APPL1: variants seen among roughly 807,000 people sequenced by gnomAD.
APPL1 encodes adaptor protein, phosphotyrosine interacting with PH domain and leucine zipper 1.
A neutral mutation model predicts 106.8 loss-of-function variants in APPL1; 42 were observed. The observed-to-expected ratio is 0.39, with a 90% CI of 0.31 to 0.51. The LOEUF is 0.51. Ranked by LOEUF, APPL1 falls within the 20% of genes least tolerant of loss-of-function variation. The probability of loss-of-function intolerance (pLI) is 0.75; values close to 1 mark genes in which losing one functional copy is unlikely to be tolerated. For synonymous variants in APPL1, 263 were observed against 281.8 expected, an observed-to-expected ratio of 0.93 and a Z score of 0.67; for missense variants, 769 against 858.2, an observed-to-expected ratio of 0.90 and a Z score of 1.30.
chr3:57,266,690 C>T (rs2060896048), intron 19 of APPL1, among the ~76,000 whole-genome samples: 1 of 152,026 alleles, frequency 6.6e-6, no homozygotes, highest in Admixed American at 6.5e-5. Context: ...CTGCTCTGAT[C>T]CTTATAATTT....
chr3:57,250,686 A>G (rs1043343083), intron 11 of APPL1, among the ~76,000 whole-genome samples: 1 of 152,136 alleles, frequency 6.6e-6, no homozygotes, highest in Non-Finnish European at 1.5e-5. Context: ...GCTATTCTAT[A>G]ATCTATTTAA....
intron 15 of APPL1, among the ~76,000 whole-genome samples, chr3:57,257,790 ATTATC>A (rs1470846144): frequency 6.6e-6 from 1 of 152,216 alleles, no homozygotes; most frequent in African/African-American, 2.4e-5. Flanking sequence ...ATTAGAAAAT[ATTATC>A]TTATACCAGA....
intron 19 of APPL1, among the ~76,000 whole-genome samples, chr3:57,267,521 G>A (rs370018026): frequency 9.9e-5 from 15 of 152,178 alleles, no homozygotes; most frequent in Admixed American, 7.9e-4. Context: ...AACAAGAAGT[G>A]GGGTATATAT....
rs951537574 is a variant in APPL1 at position 57,272,514 on chromosome 3, C to T, written c.*2827C>T. On this transcript the variant is annotated 3_prime_UTR_variant, in exon 22 of 22. Coordinates refer to ENST00000288266, the MANE Select transcript of APPL1 (RefSeq NM_012096.3). ...GTTAATTTTGCATTATATCTAGGAA[C>T]CATATTATTTAAAATTTGAATCCTA... The T allele has an allele frequency of 1.3e-5, 2 of 152,014 alleles. No homozygotes were observed. Among genetic ancestry groups the T allele is most frequent in the African/African-American group, 4.8e-5 (2 of 41,398 alleles). 9.4% of individuals were successfully genotyped at this position (152,014 alleles called of 1,614,324 possible).
chr3:57,258,767 T>C lies in APPL1; in HGVS notation c.1431-261T>C, dbSNP rs1406085032. ...AATTCAAGAACTTTTGCAACATGGT[T>C]TATTATGTTGATTTTTTGTTGTGTA... On this transcript the variant is annotated intron_variant, in intron 15 of 21. Coordinates refer to ENST00000288266, the MANE Select transcript of APPL1 (RefSeq NM_012096.3). 3 of 319,620 alleles carry C rather than the reference T, an allele frequency of 9.4e-6. No homozygotes were observed. In the Admixed American group the frequency reaches 1.5e-4, roughly 16 times the overall value. 19.8% of individuals were successfully genotyped at this position (319,620 alleles called of 1,614,324 possible). A position where few individuals can be genotyped will look rare whatever the true frequency, so the allele number is the denominator to read the frequency against.
In APPL1 at chr3:57,253,718, T is replaced by A. The variant is rs754167254; in HGVS notation, c.1132T>A (p.Tyr378Asn). The A allele has an allele frequency of 3.5e-6, 5 of 1,445,280 alleles. No homozygotes were observed. The highest frequency in any genetic ancestry group is 4.6e-6 in the Non-Finnish European group (5 of 1,089,996). 89.5% of individuals were successfully genotyped at this position (1,445,280 alleles called of 1,614,324 possible). Residue 378 changes from tyrosine (Y) to asparagine (N), a missense_variant, in exon 13 of 22, where the codon TAC becomes AAC. Physicochemically the swap from Tyr to Asn is moderately radical, Grantham distance 143. Transcript: ENST00000288266. ...CTINNISKQIYLSENPEETAA... is the reference protein window; with the variant it reads ...CTINNISKQINLSENPEETAA... The stretch of plus-strand genomic sequence containing the variant: ...AATAAACAACATATCTAAACAAATA[T>A]ACTTAAGTGAAAATCCAGAGGTAAT...
chr3:57,273,149 C>G lies in APPL1; in HGVS notation c.*3462C>G, dbSNP rs2060957430. The G allele has an allele frequency of 6.6e-6, 1 of 152,574 alleles. No homozygotes were observed. Among genetic ancestry groups the G allele is most frequent in the Non-Finnish European group, 1.5e-5 (1 of 68,028 alleles). 9.5% of individuals were successfully genotyped at this position (152,574 alleles called of 1,614,324 possible). ...GAAATTTACTTCAGTTAATATGAGACTGGGGGTTAAGTTGTAACTAATATG... is the reference window on the plus strand; with the variant it reads ...GAAATTTACTTCAGTTAATATGAGAGTGGGGGTTAAGTTGTAACTAATATG... On this transcript the variant is annotated 3_prime_UTR_variant, in exon 22 of 22. Coordinates refer to ENST00000288266, the MANE Select transcript of APPL1 (RefSeq NM_012096.3).
At chr3:57,232,964 T>A (rs2060695538) in intron 1 of APPL1, among the ~76,000 whole-genome samples, 1 of 151,860 alleles carries the variant, frequency 6.6e-6, no homozygotes, top group South Asian at 2.1e-4. Flanking sequence ...ATCACACCAC[T>A]GCACTCCAGC....
intron 1 of APPL1, among the ~76,000 whole-genome samples, chr3:57,231,397 T>G (rs376716829): frequency 6.6e-6 from 1 of 151,130 alleles, no homozygotes; most frequent in East Asian, 2.0e-4. Context: ...TTTCACTATG[T>G]TGGCCAGGCT....
intron 18 of APPL1, 21 bp from the exon 19 acceptor site, chr3:57,260,607 T>C (rs775007128): frequency 6.3e-7 from 1 of 1,597,428 alleles, no homozygotes. Context: ...TCATGTTTGC[T>C]TCTGATGTTT....
In APPL1 at chr3:57,231,338, C is replaced by CAA. The variant is rs71088043; in HGVS notation, c.54+3421_54+3422dup. Among the ~76,000 whole-genome samples, 599 of 71,672 alleles carry CAA rather than the reference C, an allele frequency of 8.4e-3. 10 individuals are homozygous for CAA. Among genetic ancestry groups the CAA allele is most frequent in the East Asian group, 0.029 (62 of 2,162 alleles). 47.0% of individuals were successfully genotyped at this position (71,672 alleles called of 152,430 possible). A position where few individuals can be genotyped will look rare whatever the true frequency, so the allele number is the denominator to read the frequency against. ...CGGGCAACCGTGCGAGACTCCGTCT[C>CAA]AAAAAAAAAAAAAAAAAAAAAGAAA... On this transcript the variant is annotated intron_variant, in intron 1 of 21. Coordinates refer to ENST00000288266, the MANE Select transcript of APPL1 (RefSeq NM_012096.3).
rs756642164 is a variant in APPL1 at position 57,247,385 on chromosome 3, C to G, written c.622-10C>G. On this transcript the variant is annotated splice_polypyrimidine_tract_variant and intron_variant, in intron 8 of 21. Coordinates refer to ENST00000288266, the MANE Select transcript of APPL1 (RefSeq NM_012096.3). ...GTATTGTTCAATTCCCCCCACTCCCCACTCTCCAGATAAGTTTCTTTAAGA... is the reference window on the plus strand; with the variant it reads ...GTATTGTTCAATTCCCCCCACTCCCGACTCTCCAGATAAGTTTCTTTAAGA... 6.4e-7 allele frequency: 1 copy of G among 1,562,078 alleles called. No homozygotes were observed. Among genetic ancestry groups the G allele is most frequent in the South Asian group, 1.1e-5 (1 of 88,490 alleles).
At chr3:57,264,711 A>G (rs1026411292) in intron 19 of APPL1, among the ~76,000 whole-genome samples, 3 of 151,174 alleles carry the variant, frequency 2.0e-5, no homozygotes, top group Non-Finnish European at 2.9e-5. Context: ...TCCCCAATGT[A>G]TATTCTTGGT....
At chr3:57,259,281 G>A (rs1008403494) in intron 16 of APPL1, among the ~76,000 whole-genome samples, 3 of 152,178 alleles carry the variant, frequency 2.0e-5, no homozygotes, top group Non-Finnish European at 4.4e-5. Flanking sequence ...CAAAACGATA[G>A]ACTCTCATAC....
chr3:57,236,884 T>C (rs538726512), intron 2 of APPL1, among the ~76,000 whole-genome samples: 1 of 152,368 alleles, frequency 6.6e-6, no homozygotes, highest in Non-Finnish European at 1.5e-5. Flanking sequence ...CCTTCTCATA[T>C]TGTTTGCTTT....
intron 13 of APPL1, among the ~76,000 whole-genome samples, chr3:57,256,388 GCTTT>G (rs1242441688): frequency 1.3e-5 from 2 of 152,090 alleles, no homozygotes; most frequent in African/African-American, 4.8e-5. Flanking sequence ...CTTATGGAAA[GCTTT>G]CTTATTTTCA....
chr3:57,242,022 T>C, intron 5 of APPL1, 79 bp from the exon 6 acceptor site: 1 of 996,328 alleles, frequency 1.0e-6, no homozygotes, highest in Non-Finnish European at 1.5e-6. Context: ...TTAATTATAG[T>C]TTAAGTAGCA....
intron 19 of APPL1, among the ~76,000 whole-genome samples, chr3:57,262,970 GCCTCCTGAGTAGCTGGGT>G (rs1229902317): frequency 7.3e-5 from 11 of 151,586 alleles, no homozygotes. Flanking sequence ...TCCTGCCTCA[GCCTCCTGAGTAGCTGGGT>G]CTATAGGCAT....
At chr3:57,242,792 T>A in intron 6 of APPL1, 64 bp from the exon 7 acceptor site, 2 of 1,238,114 alleles carry the variant, frequency 1.6e-6, no homozygotes, top group Non-Finnish European at 2.4e-6. Flanking sequence ...GTGAAGACCA[T>A]TGAAAGCATT....
Sources: allele counts gnomAD v4.1 joint callset (sites outside exome capture counted in the v4.1 genomes callset), GRCh38; gene constraint gnomAD v4.1.1; transcripts MANE v1.5; gene names NCBI Gene and HGNC (gene_info 2026-07-23, HGNC 2026-07-21).